Variants in RMDN1 observed in about 807,000 individuals in gnomAD.
RMDN1 encodes regulator of microtubule dynamics 1, also known as regulator of microtubule dynamics protein 1.
RMDN1 carries 48 observed loss-of-function variants against 48.9 expected under a neutral mutation model. That is an observed-to-expected ratio of 0.98 (90% CI 0.78 to 1.25). The LOEUF is 1.25. RMDN1 is among the 50% of genes most tolerant of loss of function. The pLI is 0.00. For synonymous variants in RMDN1, 148 were observed against 132.6 expected, an observed-to-expected ratio of 1.12 and a Z score of -0.80; for missense variants, 418 against 373.4, an observed-to-expected ratio of 1.12 and a Z score of -0.98.
Position 86,473,765 on chromosome 8 carries a change from CAAAAA to C in RMDN1, c.*538_*542del. 1.1e-6 allele frequency: 1 copy of C among 949,876 alleles called. No homozygotes were observed. Among genetic ancestry groups the C allele is most frequent in the Non-Finnish European group, 1.3e-6 (1 of 798,232 alleles). The allele number at this position is 949,876 out of a possible 1,614,324, so 58.8% of individuals were successfully genotyped here. A position where few individuals can be genotyped will look rare whatever the true frequency, so the allele number is the denominator to read the frequency against. ...TGGGAAACAAAGTGAGACTCTGTCT[CAAAAA>C]AATAAAAAAGGAAACTACTCCATTT... On this transcript the variant is annotated 3_prime_UTR_variant, in exon 10 of 10. Transcript: ENST00000406452.
chr8:86,508,894 C>T (rs777187216), upstream of RMDN1: 1 of 811,738 alleles, frequency 1.2e-6, no homozygotes, highest in African/African-American at 1.8e-5. Context: ...GGCGCTCTGA[C>T]TTGTTTCTGC....
At chr8:86,484,822 C>A in intron 5 of RMDN1, 50 bp downstream of exon 5, 1 of 1,216,076 alleles carries the variant, frequency 8.2e-7, no homozygotes, top group Non-Finnish European at 1.2e-6. Flanking sequence ...AAAATCTATT[C>A]AGAAAAATAT....
At chr8:86,504,393 C>A (rs1818922986) in intron 2 of RMDN1, 1 of 1,561,242 alleles carries the variant, frequency 6.4e-7, no homozygotes, top group Non-Finnish European at 8.8e-7. Context: ...AACAGCCAAT[C>A]ATCATTTCCA....
At chr8:86,482,526 G>A (rs1023214759) in intron 5 of RMDN1, 6 of 703,134 alleles carry the variant, frequency 8.5e-6, no homozygotes, top group Admixed American at 5.5e-5. Context: ...CATAATCATA[G>A]TATCACTAAG....
chr8:86,488,693 G>C, intron 2 of RMDN1, 54 bp from the exon 3 acceptor site: 1 of 1,209,378 alleles, frequency 8.3e-7, no homozygotes, highest in Non-Finnish European at 1.2e-6. Context: ...TCCCAAGTCA[G>C]ATGACAATAA....
At chr8:86,468,741 A>T (rs190373610), downstream of RMDN1, 2 of 455,996 alleles carry the variant, frequency 4.4e-6, no homozygotes, top group Admixed American at 2.4e-5. Flanking sequence ...GTTTTGGAGA[A>T]TTCATCAGGG....
At chr8:86,499,063 C>T (rs920909828) in intron 2 of RMDN1, among the ~76,000 whole-genome samples, 5 of 152,086 alleles carry the variant, frequency 3.3e-5, no homozygotes, top group Admixed American at 6.6e-5. Context: ...ACTGAAGGAA[C>T]GCACCTCAAA....
chr8:86,509,157 G>T (rs1000210785), upstream of RMDN1, among the ~76,000 whole-genome samples: 3 of 152,064 alleles, frequency 2.0e-5, no homozygotes, highest in South Asian at 2.1e-4. Flanking sequence ...GCGACTCAAG[G>T]GGGTAGATTC....
At chr8:86,491,454 T>C (rs984200418) in intron 2 of RMDN1, among the ~76,000 whole-genome samples, 70 of 152,172 alleles carry the variant, frequency 4.6e-4, no homozygotes, top group Non-Finnish European at 2.1e-4. Context: ...ACACTTCCTA[T>C]GGTACTACAG....
chr8:86,506,581 G>A (rs1819404569), intron 2 of RMDN1, among the ~76,000 whole-genome samples: 1 of 152,256 alleles, frequency 6.6e-6, no homozygotes, highest in South Asian at 2.1e-4. Context: ...TATTTTTTCT[G>A]TGTTCCTACA....
Position 86,478,978 on chromosome 8 carries a change from T to C in RMDN1, c.674A>G (p.Gln225Arg). The change falls in exon 7 of 10, where the codon CAA (glutamine) becomes CGA (arginine). Residue 225 changes from glutamine to arginine, a missense_variant. Transcript: ENST00000406452. Reference protein sequence around the residue: ...CYTFAEMPWYQRRIAKMLFAT... With the variant: ...CYTFAEMPWYRRRIAKMLFAT... ...AAACAGCATTTTAGCAATTCTTCTT[T>C]GATACCAAGGCATTTCGGCAAATGT... 6.2e-7 allele frequency: 1 copy of C among 1,614,026 alleles called. No homozygotes were observed. The highest frequency in any genetic ancestry group is 1.6e-4 in the Middle Eastern group (1 of 6,062).
At chr8:86,491,911 A>G (rs937362926) in intron 2 of RMDN1, among the ~76,000 whole-genome samples, 4 of 152,208 alleles carry the variant, frequency 2.6e-5, no homozygotes, top group South Asian at 2.1e-4. Flanking sequence ...ATTTCTCTAT[A>G]TAAGACTTAA....
At chr8:86,496,809 T>C (rs1003822466) in intron 2 of RMDN1, among the ~76,000 whole-genome samples, 2 of 151,956 alleles carry the variant, frequency 1.3e-5, no homozygotes, top group African/African-American at 4.8e-5. Flanking sequence ...ATCTACAAGG[T>C]ACCCTACCCA....
chr8:86,482,014 G>A, intron 5 of RMDN1: 1 of 814,670 alleles, frequency 1.2e-6, no homozygotes, highest in Non-Finnish European at 2.1e-6. Context: ...CCTATACGAA[G>A]TTGTTCTGTC....
downstream of RMDN1, chr8:86,468,542 AC>A (rs1320021120): frequency 9.6e-6 from 4 of 417,690 alleles, no homozygotes; most frequent in African/African-American, 2.1e-5. Context: ...TACAAATGGT[AC>A]CACTGCTGTA....
At chr8:86,494,745 T>G in intron 2 of RMDN1, 1 of 236,530 alleles carries the variant, frequency 4.2e-6, no homozygotes, top group Non-Finnish European at 8.6e-6. Flanking sequence ...ATTCCAGACT[T>G]TGGGGTGGGC....
chr8:86,475,991 G>T (rs1233738373), intron 8 of RMDN1, among the ~76,000 whole-genome samples: 1 of 152,114 alleles, frequency 6.6e-6, no homozygotes, highest in Non-Finnish European at 1.5e-5. Flanking sequence ...ACATGTAAAT[G>T]TTCATAGTAT....
chr8:86,476,012 G>A (rs1813314157), intron 8 of RMDN1, among the ~76,000 whole-genome samples: 2 of 152,192 alleles, frequency 1.3e-5, no homozygotes, highest in South Asian at 2.1e-4. Flanking sequence ...TGAGTGATAA[G>A]TATCACTGGA....
At chr8:86,488,462 TA>T in intron 3 of RMDN1, 89 bp downstream of exon 3, 1 of 618,864 alleles carries the variant, frequency 1.6e-6, no homozygotes, top group Admixed American at 3.0e-5. Context: ...AATCAATTTT[TA>T]AAACCTCAAG....
Sources: allele counts gnomAD v4.1 joint callset (sites outside exome capture counted in the v4.1 genomes callset), GRCh38; gene constraint gnomAD v4.1.1; transcripts MANE v1.5; gene names NCBI Gene and HGNC (gene_info 2026-07-23, HGNC 2026-07-21).